FGG: variants seen among roughly 807,000 people sequenced by gnomAD.
FGG encodes fibrinogen gamma chain.
FGG carries 20 observed loss-of-function variants against 51.7 expected under a neutral mutation model. That is an observed-to-expected ratio of 0.39 (90% CI 0.27 to 0.56). The LOEUF is 0.56. FGG is among the 20% of genes least tolerant of loss of function. The probability of loss-of-function intolerance (pLI) is 0.64; values close to 1 mark genes in which losing one functional copy is unlikely to be tolerated. For missense variants in FGG, 460 were observed against 534.2 expected, an observed-to-expected ratio of 0.86 and a Z score of 1.37; for synonymous variants, 184 against 184.7, an observed-to-expected ratio of 1.00 and a Z score of 0.03.
At chr4:154,612,302 G>T (rs763944929) in intron 2 of FGG, 89 bp downstream of exon 2, 2 of 1,584,384 alleles carry the variant, frequency 1.3e-6, no homozygotes, top group Non-Finnish European at 1.7e-6. Flanking sequence ...AAAGTTACAA[G>T]TGCCAGATGA....
At chr4:154,607,481 G>T (rs1024414288) in intron 7 of FGG, among the ~76,000 whole-genome samples, 3 of 152,262 alleles carry the variant, frequency 2.0e-5, no homozygotes, top group Middle Eastern at 3.4e-3. Flanking sequence ...AATCAGTGTG[G>T]TAGTGGCAAG....
In FGG at chr4:154,610,157, C is replaced by A. The variant is rs1450821105; in HGVS notation, c.442G>T (p.Val148Phe). The change falls in exon 5 of 9, where the codon GTT (valine) becomes TTT (phenylalanine). Residue 148 changes from valine (V) to phenylalanine (F), a missense_variant. Transcript: ENST00000336098. ...TGGGCTACCTTCTCTTTCAGGTTAA[C>A]AATCTTTTGATTATTTGAATTATAT... The part of the protein sequence containing the change: ...EIYNSNNQKI[V>F]NLKEKVAQLE... 1.3e-6 allele frequency: 2 copies of A among 1,599,646 alleles called. No homozygotes were observed. Among genetic ancestry groups the A allele is most frequent in the Non-Finnish European group, 1.7e-6 (2 of 1,167,048 alleles).
intron 8 of FGG, 88 bp downstream of exon 8, chr4:154,606,617 T>C: frequency 7.4e-7 from 1 of 1,345,248 alleles, no homozygotes; most frequent in Non-Finnish European, 1.0e-6. Flanking sequence ...TTATAAATTA[T>C]TCTTCATTTC....
At chr4:154,612,510 G>C in intron 1 of FGG, 22 bp downstream of exon 1, 1 of 1,613,570 alleles carries the variant, frequency 6.2e-7, no homozygotes, top group Non-Finnish European at 8.5e-7. Flanking sequence ...TTTAAACAAC[G>C]TTTTGTGAAG....
Position 154,604,413 on chromosome 4 carries a change from AAAG to A in FGG, c.*418_*420del. 1 of 1,388,626 alleles carries A rather than the reference AAAG, an allele frequency of 7.2e-7. No homozygotes were observed. The highest frequency in any genetic ancestry group is 9.7e-7 in the Non-Finnish European group (1 of 1,035,622). 86.0% of individuals were successfully genotyped at this position (1,388,626 alleles called of 1,614,324 possible). On this transcript the variant is annotated 3_prime_UTR_variant, in exon 9 of 9. Transcript: ENST00000336098. The stretch of plus-strand genomic sequence containing the variant: ...AAAAGACATAATTTTCTCCATTTAA[AAAG>A]AAGAATTAAATAGGAATGATTTAGG...
chr4:154,609,217 G>A (rs528060882), intron 6 of FGG, among the ~76,000 whole-genome samples: 4 of 152,012 alleles, frequency 2.6e-5, no homozygotes, highest in Non-Finnish European at 5.9e-5. Flanking sequence ...GGGGTGGTGG[G>A]GGGTGGTGTT....
chr4:154,609,110 C>T (rs1731154350), intron 6 of FGG, among the ~76,000 whole-genome samples: 2 of 151,828 alleles, frequency 1.3e-5, no homozygotes, highest in Admixed American at 1.3e-4. Flanking sequence ...GCCAAGATTC[C>T]TAGTGGGTAT....
rs746701867 is a variant in FGG, at chr4:154,607,000, C to A, written c.852-18G>T. On this transcript the variant is annotated intron_variant, in intron 7 of 8. Transcript: ENST00000336098. ...CTGCAGTACTGAGAAGAAGGAAATA[C>A]AACCATCACATGCTGACCCTCCTCA... 2 of 1,559,662 alleles carry A rather than the reference C, an allele frequency of 1.3e-6. No individual in the cohort carries two copies. The highest frequency in any genetic ancestry group is 1.7e-6 in the Non-Finnish European group (2 of 1,151,480).
chr4:154,610,007 T>C (rs898892049), intron 5 of FGG, 60 bp downstream of exon 5: 2 of 1,606,674 alleles, frequency 1.2e-6, no homozygotes, highest in Admixed American at 1.7e-5. Context: ...CAGTACATAC[T>C]TTCTCCTTTA....
At chr4:154,607,970 T>C (rs1731131067) in intron 7 of FGG, among the ~76,000 whole-genome samples, 1 of 152,136 alleles carries the variant, frequency 6.6e-6, no homozygotes, top group Admixed American at 6.5e-5. Flanking sequence ...ACAGAATAAA[T>C]GGCCATCAAG....
intron 4 of FGG, 121 bp from the exon 5 acceptor site, chr4:154,610,318 T>C: frequency 1.4e-6 from 1 of 712,470 alleles, no homozygotes; most frequent in South Asian, 1.9e-5. Flanking sequence ...TGCTTTCTGA[T>C]AAATTATTCC....
chr4:154,604,780 C>T lies in FGG; in HGVS notation c.*54G>A, dbSNP rs1277864093. 2.5e-6 allele frequency: 4 copies of T among 1,609,686 alleles called. No homozygotes were observed. Among genetic ancestry groups the T allele is most frequent in the Non-Finnish European group, 2.5e-6 (3 of 1,178,734 alleles). The stretch of plus-strand genomic sequence containing the variant: ...TATAGTAAGAGAAAAAAGGAAGAAA[C>T]TTTCAGAGAATTTCTGAAACTTTGT... On this transcript the variant is annotated 3_prime_UTR_variant, in exon 9 of 9. Coordinates refer to ENST00000336098, the MANE Select transcript of FGG (RefSeq NM_021870.3).
chr4:154,605,164 C>T (rs909451460), intron 8 of FGG, 98 bp from the exon 9 acceptor site: 1 of 1,257,528 alleles, frequency 8.0e-7, no homozygotes, highest in South Asian at 1.3e-5. Flanking sequence ...TTGCCAGTTA[C>T]ATAAAATTTA....
In FGG at chr4:154,608,543, C is replaced by T; in HGVS notation, c.774G>A (p.Lys258=). ...GTTEFWLGNE[K]IHLISTQSAI... is the part of the protein sequence containing the mutation. ...CAGACTGTGTGCTTATCAAATGAAT[C>T]TTCTCATTTCCCAGCCAAAATTCTG... Residue 258 remains lysine (K), a synonymous_variant, in exon 7 of 9, where the codon AAG becomes AAA. Transcript: ENST00000336098. 1 of 1,613,740 alleles carries T rather than the reference C, an allele frequency of 6.2e-7. No individual in the cohort carries two copies. Among genetic ancestry groups the T allele is most frequent in the Non-Finnish European group, 8.5e-7 (1 of 1,179,798 alleles).
intron 8 of FGG, among the ~76,000 whole-genome samples, chr4:154,605,596 G>A (rs111877157): frequency 2.6e-5 from 4 of 152,070 alleles, no homozygotes; most frequent in Non-Finnish European, 5.9e-5. Flanking sequence ...TCTGTAAAAG[G>A]CTTGTCAGAG....
intron 5 of FGG, 69 bp from the exon 6 acceptor site, chr4:154,609,832 A>T: frequency 6.2e-7 from 1 of 1,605,866 alleles, no homozygotes; most frequent in African/African-American, 1.3e-5. Context: ...CTTGAAAAAT[A>T]GCTTTTAACA....
chr4:154,610,109 G>A lies in FGG; in HGVS notation c.490C>T (p.Pro164Ser), dbSNP rs1360808221. 8 of 1,613,760 alleles carry A rather than the reference G, an allele frequency of 5.0e-6. No homozygotes were observed. The highest frequency in any genetic ancestry group is 6.8e-6 in the Non-Finnish European group (8 of 1,179,804). Residue 164 changes from proline (P) to serine (S), a missense_variant, in exon 5 of 9, where the codon CCT (proline) becomes TCT (serine). Pro to Ser is a moderately conservative substitution (Grantham distance 74, BLOSUM62 -1). Coordinates refer to ENST00000336098, the MANE Select transcript of FGG (RefSeq NM_021870.3). Reference sequence around the variant, plus strand: ...TGGATTTGCACCGTGTCTTTGCAAGGTTCCTGGCACTGTGCTTCAAGCTGG... The same window carrying A: ...TGGATTTGCACCGTGTCTTTGCAAGATTCCTGGCACTGTGCTTCAAGCTGG... ...VAQLEAQCQE[P>S]CKDTVQIHDI... is the part of the protein sequence containing the mutation.
At position 154,611,871 on chromosome 4, in the gene FGG, G is replaced by T; in HGVS notation, c.335C>A (p.Ser112Tyr). Residue 112 changes from serine to tyrosine, a missense_variant, in exon 4 of 9, where the codon TCC (serine) becomes TAC (tyrosine). Physicochemically the swap from Ser to Tyr is moderately radical, Grantham distance 144 (BLOSUM62 -2). Coordinates refer to ENST00000336098, the MANE Select transcript of FGG (RefSeq NM_021870.3). The part of the protein sequence containing the change: ...PNMIDAATLK[S>Y]RKMLEEIMKY... ...CATAATTTCTTCTAACATTTTCCTGGACTTCAAAGTAGCAGCGTCTATCAT... is the reference window on the plus strand; with the variant it reads ...CATAATTTCTTCTAACATTTTCCTGTACTTCAAAGTAGCAGCGTCTATCAT... 6.2e-7 allele frequency: 1 copy of T among 1,612,008 alleles called. No individual in the cohort carries two copies. The highest frequency in any genetic ancestry group is 8.5e-7 in the Non-Finnish European group (1 of 1,179,166).
chr4:154,606,586 A>G (rs1396703317), intron 8 of FGG, 119 bp downstream of exon 8: 2 of 1,168,472 alleles, frequency 1.7e-6, no homozygotes, highest in East Asian at 5.2e-5. Context: ...AATAAAGAAC[A>G]TGATAAAATC....
Sources: gnomAD v4.1 joint callset for allele counts (sites outside exome capture counted in the v4.1 genomes callset) on GRCh38, gnomAD v4.1.1 for gene constraint, MANE v1.5 for transcripts, NCBI Gene and HGNC (gene_info 2026-07-23, HGNC 2026-07-21) for gene names.